The following GATB variants were observed in gnomAD, a reference collection of about 807,000 sequenced individuals.
GATB encodes glutamyl-tRNA(Gln) amidotransferase subunit B, mitochondrial.
In GATB, 39 loss-of-function variants were observed where a neutral mutation model predicts 62.3. The observed-to-expected ratio is 0.63, with a 90% confidence interval of 0.48 to 0.82. GATB has a LOEUF of 0.82. Ranked by LOEUF, GATB falls within the 40% of genes least tolerant of loss-of-function variation. The pLI is 0.00. For missense variants in GATB, 670 were observed against 684.0 expected, an observed-to-expected ratio of 0.98 and a Z score of 0.23; for synonymous variants, 276 against 258.9, an observed-to-expected ratio of 1.07 and a Z score of -0.63.
At chr4:151,710,524 G>C (rs1327777755) in intron 5 of GATB, among the ~76,000 whole-genome samples, 1 of 152,094 alleles carries the variant, frequency 6.6e-6, no homozygotes, top group African/African-American at 2.4e-5. Context: ...CGTCAGCCTA[G>C]CTTCTCTCCC....
Position 151,697,953 on chromosome 4 carries a change from GTATATA to G in GATB, c.1197+3370_1197+3375del, listed in dbSNP as rs56231389. ...TTCATATATATGTGTGTGTGTGTGT[GTATATA>G]TATATATATATATATATATATATAT... is the stretch of plus-strand genomic sequence containing the variant. On this transcript the variant is annotated intron_variant, in intron 9 of 12. Transcript: ENST00000263985. 3.3e-3 allele frequency among the ~76,000 whole-genome samples: 134 copies of G among 40,588 alleles called. 4 individuals carry two copies. The highest frequency in any genetic ancestry group is 0.013 in the African/African-American group (97 of 7,434). The allele number at this position is 40,588 out of a possible 152,430, so 26.6% of individuals were successfully genotyped here. A position where few individuals can be genotyped will look rare whatever the true frequency, so the allele number is the denominator to read the frequency against.
chr4:151,673,058 C>A (rs774883775), intron 11 of GATB, 162 bp from the exon 12 acceptor site: 15 of 834,902 alleles, frequency 1.8e-5, no homozygotes, highest in African/African-American at 3.4e-5. Flanking sequence ...CCTGGCTGCC[C>A]TGCCAGAGCG....
chr4:151,698,471 C>T (rs77758070), intron 9 of GATB, among the ~76,000 whole-genome samples: 2 of 152,228 alleles, frequency 1.3e-5, no homozygotes, highest in East Asian at 3.9e-4. Flanking sequence ...GCAAAGCACA[C>T]CTCCACCACT....
chr4:151,710,936 C>G (rs892457031), intron 5 of GATB, among the ~76,000 whole-genome samples: 1 of 152,184 alleles, frequency 6.6e-6, no homozygotes, highest in African/African-American at 2.4e-5. Flanking sequence ...GGAGGTTTCA[C>G]AGGCATCTCA....
intron 2 of GATB, among the ~76,000 whole-genome samples, chr4:151,734,350 CAA>C (rs201480862): frequency 0.016 from 2,172 of 132,490 alleles, 44 homozygotes; most frequent in African/African-American, 0.051. Context: ...AAATAGCTGC[CAA>C]AAAAAAAAAA....
chr4:151,673,541 C>G (rs1437693002), intron 11 of GATB: 1 of 152,248 alleles, frequency 6.6e-6, no homozygotes. Flanking sequence ...ACAGGGGCCC[C>G]CTGGCCTACC....
rs747068068 is a variant in GATB at position 151,688,804 on chromosome 4, A to C, written c.1198-41T>G. On this transcript the variant is annotated intron_variant, in intron 9 of 12. Coordinates refer to ENST00000263985, the MANE Select transcript of GATB (RefSeq NM_004564.3). ...AAAGAAAATTACATAAAGCCTCCCC[A>C]AAAATGAAAGATCAGCATTCTGAAG... The C allele has an allele frequency of 4.5e-6, 7 of 1,556,296 alleles. No individual in the cohort carries two copies. In the African/African-American group the frequency reaches 8.4e-5, roughly 19 times the overall value.
Position 151,688,754 on chromosome 4 carries a change from C to T in GATB, c.1207G>A (p.Gly403Ser), listed in dbSNP as rs901882038. 2.2e-5 allele frequency: 34 copies of T among 1,568,174 alleles called. No individual in the cohort carries two copies. Among genetic ancestry groups the T allele is most frequent in the Middle Eastern group, 1.7e-4 (1 of 5,886 alleles). Residue 403 changes from glycine to serine, a missense_variant, in exon 10 of 13, where the codon GGC (glycine) becomes AGC (serine). By Grantham distance (56) the Gly-to-Ser change is moderately conservative (BLOSUM62 0). Transcript: ENST00000263985. ...ACATTTTGGAAGAACTCCAGTAGGC[C>T]GACTTCGTTCTGTTAAAAAAAAAAA... Reference protein sequence around the residue: ...EHSFTLLNEVGLLEFFQNVIK... With the variant: ...EHSFTLLNEVSLLEFFQNVIK...
At position 151,671,270 on chromosome 4, in the gene GATB, A is replaced by T; in HGVS notation, c.1578T>A (p.Ala526=). The T allele has an allele frequency of 6.2e-7, 1 of 1,613,854 alleles. No homozygotes were observed. Among genetic ancestry groups the T allele is most frequent in the Non-Finnish European group, 8.5e-7 (1 of 1,179,878 alleles). The change falls in exon 13 of 13, where the codon GCT becomes GCA. Residue 526 remains alanine (A), a synonymous_variant. Transcript: ENST00000263985. Reference sequence around the variant, plus strand: ...GGACCAACCCAATCAGTTTATTTATAGCTCTGGGGTTTCTGTTCTTCACAT... The same window carrying T: ...GGACCAACCCAATCAGTTTATTTATTGCTCTGGGGTTTCTGTTCTTCACAT... ...VMDVKNRNPR[A]INKLIGLVRK... is the part of the protein sequence containing the mutation.
intron 2 of GATB, among the ~76,000 whole-genome samples, chr4:151,735,247 A>AAC (rs1553969295): frequency 3.3e-5 from 5 of 151,816 alleles, no homozygotes; most frequent in East Asian, 1.9e-4. Context: ...AAAAAAAAAA[A>AAC]AAACAAACAA....
chr4:151,759,803 T>TAA (rs942633480), intron 1 of GATB, among the ~76,000 whole-genome samples: 40 of 152,210 alleles, frequency 2.6e-4, no homozygotes, highest in African/African-American at 7.5e-4. Context: ...TATATATATA[T>TAA]ATACATATTT....
chr4:151,747,915 G>A (rs140498997), intron 2 of GATB, among the ~76,000 whole-genome samples: 55 of 152,266 alleles, frequency 3.6e-4, no homozygotes, highest in African/African-American at 1.3e-3. Context: ...AGCAGAGTGA[G>A]ATGTAAGAAG....
chr4:151,716,252 C>G, intron 4 of GATB, 121 bp from the exon 5 acceptor site: 5 of 891,364 alleles, frequency 5.6e-6, no homozygotes, highest in Non-Finnish European at 7.9e-6. Flanking sequence ...GTTCTAGCCT[C>G]TCAATCATTT....
Position 151,708,121 on chromosome 4 carries a change from C to A in GATB, c.764-20G>T. ...GGCCCTCTGGAAGGAGAGAAGAAAA[C>A]AACTCCTTAGAAATTCTTTGAGGTG... On this transcript the variant is annotated intron_variant, in intron 5 of 12. Coordinates refer to ENST00000263985, the MANE Select transcript of GATB (RefSeq NM_004564.3). The A allele has an allele frequency of 1.3e-6, 2 of 1,511,346 alleles. No homozygotes were observed. Among genetic ancestry groups the A allele is most frequent in the Non-Finnish European group, 1.8e-6 (2 of 1,087,730 alleles). 93.6% of individuals were successfully genotyped at this position (1,511,346 alleles called of 1,614,324 possible).
In GATB at chr4:151,742,076, A is replaced by G. The variant is rs1433533612; in HGVS notation, c.327+16696T>C. On this transcript the variant is annotated intron_variant, in intron 2 of 12. Coordinates refer to ENST00000263985, the MANE Select transcript of GATB (RefSeq NM_004564.3). ...AACAACACAGAAGAATTACAATGGG[A>G]AGGGAGGGATATGGTTTTTTTTTTT... Among the ~76,000 whole-genome samples, 8 of 146,876 alleles carry G rather than the reference A, an allele frequency of 5.4e-5. No homozygotes were observed. In the East Asian group the frequency reaches 1.4e-3, roughly 26 times the overall value.
intron 2 of GATB, among the ~76,000 whole-genome samples, chr4:151,749,059 T>C (rs1578940631): frequency 6.6e-6 from 1 of 152,206 alleles, no homozygotes; most frequent in South Asian, 2.1e-4. Flanking sequence ...ACACTGTTGG[T>C]AGGACTGTAA....
intron 2 of GATB, chr4:151,722,234 A>C: frequency 1.4e-6 from 1 of 702,470 alleles, no homozygotes; most frequent in Non-Finnish European, 2.6e-6. Context: ...AAAAATTCTT[A>C]AATGTCTATA....
chr4:151,745,251 C>T (rs1224214485), intron 2 of GATB, among the ~76,000 whole-genome samples: 1 of 152,044 alleles, frequency 6.6e-6, no homozygotes, highest in Non-Finnish European at 1.5e-5. Context: ...AAGACTTTTC[C>T]CTAATGATGC....
chr4:151,718,365 G>T (rs990642351), intron 3 of GATB, among the ~76,000 whole-genome samples: 1 of 152,170 alleles, frequency 6.6e-6, no homozygotes, highest in African/African-American at 2.4e-5. Flanking sequence ...ATATGAGTAT[G>T]TCCCATGAAA....
Sources: gnomAD v4.1 joint callset for allele counts (sites outside exome capture counted in the v4.1 genomes callset) on GRCh38, gnomAD v4.1.1 for gene constraint, MANE v1.5 for transcripts, NCBI Gene and HGNC (gene_info 2026-07-23, HGNC 2026-07-21) for gene names.